Variants in WDR7 observed in about 807,000 individuals in gnomAD.
The protein encoded by WDR7 is WD repeat domain 7.
Under a neutral mutation model 169.4 loss-of-function variants are expected in WDR7, and 46 were observed. The observed-to-expected ratio is 0.27, with a 90% CI of 0.21 to 0.35. The LOEUF is 0.35. Among genes scored for constraint, WDR7 ranks in the 10% least tolerant of loss-of-function variants. The pLI is 1.00. For synonymous variants in WDR7, 612 were observed against 666.8 expected, an observed-to-expected ratio of 0.92 and a Z score of 1.27; for missense variants, 1,534 against 1,859.3, an observed-to-expected ratio of 0.83 and a Z score of 3.22.
intron 20 of WDR7, among the ~76,000 whole-genome samples, chr18:56,844,358 C>CTAT (rs1414841618): frequency 7.2e-5 from 11 of 152,080 alleles, no homozygotes; most frequent in African/African-American, 2.4e-4. Context: ...GTTCAGTGTC[C>CTAT]TATTATTAGA....
chr18:56,847,862 C>G (rs1228368793), intron 20 of WDR7, among the ~76,000 whole-genome samples: 1 of 152,214 alleles, frequency 6.6e-6, no homozygotes, highest in Non-Finnish European at 1.5e-5. Context: ...AAAGATTCCC[C>G]CTAGATTTCA....
At chr18:56,664,833 A>G (rs2024982661) in intron 1 of WDR7, among the ~76,000 whole-genome samples, 2 of 152,206 alleles carry the variant, frequency 1.3e-5, no homozygotes, top group Non-Finnish European at 2.9e-5. Context: ...TGGAAGGTGT[A>G]GTGAAAATAG....
At chr18:57,032,283 A>C (rs1290937702), downstream of WDR7, 2 of 152,246 alleles carry the variant, frequency 1.3e-5, no homozygotes, top group Non-Finnish European at 2.9e-5. Flanking sequence ...AGATTGAATA[A>C]GACTCTGGAC....
chr18:56,914,934 A>G (rs1429372809), intron 21 of WDR7, among the ~76,000 whole-genome samples: 1 of 152,230 alleles, frequency 6.6e-6, no homozygotes, highest in Non-Finnish European at 1.5e-5. Context: ...AATGTGCTTT[A>G]AATCAAAGAG....
intron 20 of WDR7, among the ~76,000 whole-genome samples, chr18:56,870,160 A>G (rs768902997): frequency 6.6e-6 from 1 of 152,162 alleles, no homozygotes; most frequent in Non-Finnish European, 1.5e-5. Context: ...TTTAAAGCCA[A>G]AGTGTTTTAA....
chr18:56,784,297 G>C (rs1284739280), intron 19 of WDR7, among the ~76,000 whole-genome samples: 1 of 152,074 alleles, frequency 6.6e-6, no homozygotes, highest in Non-Finnish European at 1.5e-5. Flanking sequence ...GTGTATAAAT[G>C]GTTTTTGGTT....
At chr18:56,756,158 AAGG>A (rs2043883841) in intron 14 of WDR7, among the ~76,000 whole-genome samples, 1 of 152,184 alleles carries the variant, frequency 6.6e-6, no homozygotes, top group African/African-American at 2.4e-5. Flanking sequence ...AAAATGGAAA[AAGG>A]AGGGATATGA....
intron 1 of WDR7, among the ~76,000 whole-genome samples, chr18:56,666,177 A>G (rs116196196): frequency 9.8e-4 from 137 of 140,474 alleles, no homozygotes; most frequent in Middle Eastern, 3.9e-3. Context: ...TACTTAGGAT[A>G]CTATTTCATC....
chr18:56,986,831 C>T (rs184286681), intron 26 of WDR7, among the ~76,000 whole-genome samples: 10 of 152,166 alleles, frequency 6.6e-5, no homozygotes, highest in African/African-American at 2.4e-4. Flanking sequence ...ATTTTTCATG[C>T]CAAATTCATG....
At chr18:56,750,445 T>C (rs2043774253) in intron 14 of WDR7, among the ~76,000 whole-genome samples, 1 of 152,210 alleles carries the variant, frequency 6.6e-6, no homozygotes, top group Non-Finnish European at 1.5e-5. Context: ...CTTTCCTAGT[T>C]GGCTTTCTTC....
At chr18:56,906,792 T>A (rs980074504) in intron 21 of WDR7, among the ~76,000 whole-genome samples, 8 of 152,190 alleles carry the variant, frequency 5.3e-5, no homozygotes, top group Non-Finnish European at 1.0e-4. Flanking sequence ...TCCACCCACC[T>A]TGGCCTCCCA....
At chr18:56,975,979 G>A (rs763484053) in intron 26 of WDR7, among the ~76,000 whole-genome samples, 5 of 152,138 alleles carry the variant, frequency 3.3e-5, no homozygotes, top group East Asian at 1.9e-4. Flanking sequence ...AATGCCTGGC[G>A]TTACTTTCAG....
intron 20 of WDR7, among the ~76,000 whole-genome samples, chr18:56,851,644 C>T (rs531459548): frequency 9.3e-4 from 142 of 152,164 alleles, no homozygotes; most frequent in Non-Finnish European, 1.5e-3. Context: ...GATTTCTGAA[C>T]TTGATCCTTC....
intron 21 of WDR7, among the ~76,000 whole-genome samples, chr18:56,885,520 C>T (rs2046175591): frequency 6.6e-6 from 1 of 151,694 alleles, no homozygotes; most frequent in Non-Finnish European, 1.5e-5. Context: ...ATCGAACAAG[C>T]AGAAGAAAGA....
At chr18:56,957,320 C>G (rs1484036257) in intron 25 of WDR7, 1 of 152,064 alleles carries the variant, frequency 6.6e-6, no homozygotes, top group Non-Finnish European at 1.5e-5. Context: ...AGAGAAATTG[C>G]TCTGAATGTG....
chr18:56,893,700 C>T (rs1035605515), intron 21 of WDR7, among the ~76,000 whole-genome samples: 3 of 152,082 alleles, frequency 2.0e-5, no homozygotes, highest in Non-Finnish European at 4.4e-5. Context: ...AAATGTATGG[C>T]TCTTTCCTTA....
At position 56,758,753 on chromosome 18, in the gene WDR7, T is replaced by C. The variant is rs1007828056; in HGVS notation, c.2760-112T>C. The C allele has an allele frequency of 2.2e-5, 16 of 717,390 alleles. No homozygotes were observed. The Admixed American group carries it at 3.6e-4, about 16-fold the overall frequency. 44.4% of individuals were successfully genotyped at this position (717,390 alleles called of 1,614,324 possible). A position where few individuals can be genotyped will look rare whatever the true frequency, so the allele number is the denominator to read the frequency against. ...CTGGAATGGTAAATTGAAAATGTTC[T>C]ATATATGTTTCTTTTGTGATTCGTT... On this transcript the variant is annotated intron_variant, in intron 15 of 27. Coordinates refer to ENST00000254442, the MANE Select transcript of WDR7 (RefSeq NM_015285.3).
intron 12 of WDR7, among the ~76,000 whole-genome samples, chr18:56,716,182 A>G (rs1341153680): frequency 6.6e-6 from 1 of 152,150 alleles, no homozygotes; most frequent in Non-Finnish European, 1.5e-5. Flanking sequence ...ACTACCCCTC[A>G]GTATTTAATG....
intron 21 of WDR7, among the ~76,000 whole-genome samples, chr18:56,898,820 A>G (rs1257759935): frequency 2.6e-5 from 4 of 152,072 alleles, no homozygotes; most frequent in South Asian, 2.1e-4. Context: ...AGCTTAAACC[A>G]GGTCTGTAGG....
Sources: allele counts gnomAD v4.1 joint callset (sites outside exome capture counted in the v4.1 genomes callset), GRCh38; gene constraint gnomAD v4.1.1; transcripts MANE v1.5; gene names NCBI Gene and HGNC (gene_info 2026-07-23, HGNC 2026-07-21).